Variants in BTF3 observed in about 807,000 individuals in gnomAD.
BTF3 encodes transcription factor BTF3.
A neutral mutation model predicts 23.9 loss-of-function variants in BTF3; 12 were observed. The observed-to-expected ratio is 0.50, with a 90% CI of 0.32 to 0.81. The LOEUF (loss-of-function observed/expected upper bound fraction) is 0.81. Among genes scored for constraint, BTF3 ranks in the 40% least tolerant of loss-of-function variants. The pLI is 0.03. For missense variants in BTF3, 215 were observed against 255.9 expected (o/e 0.84, Z 1.09); for synonymous variants, 96 against 94.8 (o/e 1.01, Z -0.07).
Position 73,503,023 on chromosome 5 carries a change from G to C in BTF3, c.423G>C (p.Lys141Asn). ...CCATTACAGGCCATGCTGAGACAAAGCAGCTGACAGAAATGCTACCCAGCA... is the reference window on the plus strand; with the variant it reads ...CCATTACAGGCCATGCTGAGACAAACCAGCTGACAGAAATGCTACCCAGCA... ...TFTITGHAET[K>N]QLTEMLPSIL... Residue 141 changes from lysine (K) to asparagine (N), a missense_variant, in exon 4 of 6, where the codon AAG becomes AAC. Lys to Asn is a moderately conservative substitution (Grantham distance 94). Around this residue, in one of 2 missense-constraint regions of BTF3, gnomAD observed 99 missense variants for 171.2 expected, o/e 0.58. Transcript: ENST00000380591. 6.2e-7 allele frequency: 1 copy of C among 1,613,982 alleles called. No individual in the cohort carries two copies. The highest frequency in any genetic ancestry group is 8.5e-7 in the Non-Finnish European group (1 of 1,179,928).
intron 4 of BTF3, 63 bp downstream of exon 4, chr5:73,503,180 A>G: frequency 6.5e-7 from 1 of 1,536,084 alleles, no homozygotes; most frequent in Non-Finnish European, 9.0e-7. Flanking sequence ...TTCTGATCTC[A>G]GGGCTCAGAA....
In BTF3 at chr5:73,498,675, G is replaced by C. The variant is rs755340655; in HGVS notation, c.8G>C (p.Arg3Pro). Residue 3 changes from arginine (R) to proline (P), a missense_variant, in exon 1 of 6, where the codon CGG becomes CCG. This residue lies in a region of BTF3 where 116 missense variants were observed against 84.7 expected (regional missense o/e 1.37). Transcript: ENST00000380591. The part of the protein sequence containing the change: MR[R>P]TGAPAQADSR... ...GAGGAGGAGAGGAAGGCGATGCGACGGACAGGCGCACCCGCTCAGGCTGAC... is the reference window on the plus strand; with the variant it reads ...GAGGAGGAGAGGAAGGCGATGCGACCGACAGGCGCACCCGCTCAGGCTGAC... 6.7e-7 allele frequency: 1 copy of C among 1,500,170 alleles called. No homozygotes were observed. The highest frequency in any genetic ancestry group is 1.3e-5 in the South Asian group (1 of 79,072). The allele number at this position is 1,500,170 out of a possible 1,614,324, so 92.9% of individuals were successfully genotyped here. A position where few individuals can be genotyped will look rare whatever the true frequency, so the allele number is the denominator to read the frequency against.
chr5:73,502,617 T>G lies in BTF3; in HGVS notation c.315+16T>G. 1 of 1,564,648 alleles carries G rather than the reference T, an allele frequency of 6.4e-7. No homozygotes were observed. Among genetic ancestry groups the G allele is most frequent in the Non-Finnish European group, 8.6e-7 (1 of 1,158,712 alleles). ...TATTGAAGAGGCAAGTATCAAATTTTGTTACTTTAAAAAACAAGATTTGGC... is the reference window on the plus strand; with the variant it reads ...TATTGAAGAGGCAAGTATCAAATTTGGTTACTTTAAAAAACAAGATTTGGC... On this transcript the variant is annotated intron_variant, in intron 3 of 5. Coordinates refer to ENST00000380591, the MANE Select transcript of BTF3 (RefSeq NM_001037637.2).
chr5:73,503,049 T>C lies in BTF3; in HGVS notation c.449T>C (p.Ile150Thr), dbSNP rs201235182. ...TKQLTEMLPSILNQLGADSLT... is the reference protein window; with the variant it reads ...TKQLTEMLPSTLNQLGADSLT... ...CAGCTGACAGAAATGCTACCCAGCATCTTAAACCAGCTTGGTGCGGATAGT... is the reference window on the plus strand; with the variant it reads ...CAGCTGACAGAAATGCTACCCAGCACCTTAAACCAGCTTGGTGCGGATAGT... Residue 150 changes from isoleucine to threonine, a missense_variant, in exon 4 of 6, where the codon ATC becomes ACC. By Grantham distance (89) the Ile-to-Thr change is moderately conservative. Coordinates refer to ENST00000380591, the MANE Select transcript of BTF3 (RefSeq NM_001037637.2). 1 of 1,614,058 alleles carries C rather than the reference T, an allele frequency of 6.2e-7. No individual in the cohort carries two copies. The highest frequency in any genetic ancestry group is 2.2e-5 in the East Asian group (1 of 44,888).
Position 73,499,231 on chromosome 5 carries a change from T to G in BTF3, c.201+29T>G, listed in dbSNP as rs777899021. On this transcript the variant is annotated intron_variant, in intron 2 of 5. Coordinates refer to ENST00000380591, the MANE Select transcript of BTF3 (RefSeq NM_001037637.2). The stretch of plus-strand genomic sequence containing the variant: ...AGTTTTAATAGTTCGGGTTTGTGGG[T>G]TTTTTTTTTAAGGTTTAGGTATTTT... 3.2e-4 allele frequency: 462 copies of G among 1,425,494 alleles called. 1 individual carries two copies. The highest frequency in any genetic ancestry group is 6.4e-4 in the Admixed American group (33 of 51,738). 88.3% of individuals were successfully genotyped at this position (1,425,494 alleles called of 1,614,324 possible).
chr5:73,498,612 A>G lies in BTF3; in HGVS notation c.-56A>G. The G allele has an allele frequency of 7.1e-7, 1 of 1,409,596 alleles. No homozygotes were observed. The highest frequency in any genetic ancestry group is 1.6e-5 in the South Asian group (1 of 64,156). 87.3% of individuals were successfully genotyped at this position (1,409,596 alleles called of 1,614,324 possible). On this transcript the variant is annotated 5_prime_UTR_variant, in exon 1 of 6. Transcript: ENST00000380591. ...GTAGGAGGACGGGAGCGGGGGCGGG[A>G]AGTTCCCTGAAGGAGCGAGACAGGG...
chr5:73,498,752 C>G lies in BTF3; in HGVS notation c.85C>G (p.Leu29Val). 1 of 1,494,548 alleles carries G rather than the reference C, an allele frequency of 6.7e-7. No homozygotes were observed. The highest frequency in any genetic ancestry group is 8.8e-7 in the Non-Finnish European group (1 of 1,132,460). 92.6% of individuals were successfully genotyped at this position (1,494,548 alleles called of 1,614,324 possible). A position where few individuals can be genotyped will look rare whatever the true frequency, so the allele number is the denominator to read the frequency against. Residue 29 changes from leucine to valine, a missense_variant, in exon 1 of 6, where the codon CTG becomes GTG. By Grantham distance (32) the Leu-to-Val change is conservative. Around this residue, in one of 2 missense-constraint regions of BTF3, gnomAD observed 116 missense variants for 84.7 expected, o/e 1.37. Coordinates refer to ENST00000380591, the MANE Select transcript of BTF3 (RefSeq NM_001037637.2). ...CGGCTGCCCTGGGGGCGAGGCGACGCTGTCTCAACCTCCACCTCGCGGCGG... is the reference window on the plus strand; with the variant it reads ...CGGCTGCCCTGGGGGCGAGGCGACGGTGTCTCAACCTCCACCTCGCGGCGG... ...RGGCPGGEAT[L>V]SQPPPRGGTR...
chr5:73,499,041 G>A (rs1032932386), intron 1 of BTF3, 93 bp from the exon 2 acceptor site: 63 of 1,396,636 alleles, frequency 4.5e-5, no homozygotes, highest in Middle Eastern at 5.2e-4. Context: ...TGTGTAGGAC[G>A]TTTATTTTCC....
chr5:73,502,605 A>T lies in BTF3; in HGVS notation c.315+4A>T, dbSNP rs773464129. 6.3e-7 allele frequency: 1 copy of T among 1,576,724 alleles called. No homozygotes were observed. The highest frequency in any genetic ancestry group is 8.6e-7 in the Non-Finnish European group (1 of 1,166,358). On this transcript the variant is annotated splice_donor_region_variant and intron_variant, in intron 3 of 5. Coordinates refer to ENST00000380591, the MANE Select transcript of BTF3 (RefSeq NM_001037637.2). ...CAATATCTCTGGTATTGAAGAGGCA[A>T]GTATCAAATTTTGTTACTTTAAAAA...
At chr5:73,501,628 A>G (rs1329348618) in intron 2 of BTF3, among the ~76,000 whole-genome samples, 1 of 152,170 alleles carries the variant, frequency 6.6e-6, no homozygotes, top group Non-Finnish European at 1.5e-5. Flanking sequence ...CTTGGGTCAT[A>G]GCCTGCTTGG....
intron 3 of BTF3, 69 bp downstream of exon 3, chr5:73,502,670 A>G (rs978244378): frequency 1.5e-5 from 16 of 1,064,858 alleles, no homozygotes; most frequent in Admixed American, 4.3e-5. Context: ...AATGCATTAA[A>G]TGGGTTGTTT....
chr5:73,502,186 A>C (rs1746453105), intron 2 of BTF3, among the ~76,000 whole-genome samples: 2 of 150,134 alleles, frequency 1.3e-5, no homozygotes, highest in African/African-American at 4.9e-5. Context: ...AAAACAGAAG[A>C]GGTTAATAAT....
In BTF3 at chr5:73,502,481, A is replaced by G. The variant is rs917512210; in HGVS notation, c.202-7A>G. 6 of 1,581,208 alleles carry G rather than the reference A, an allele frequency of 3.8e-6. No individual in the cohort carries two copies. The highest frequency in any genetic ancestry group is 5.1e-6 in the Non-Finnish European group (6 of 1,170,346). On this transcript the variant is annotated splice_polypyrimidine_tract_variant and splice_region_variant and intron_variant, in intron 2 of 5. Coordinates refer to ENST00000380591, the MANE Select transcript of BTF3 (RefSeq NM_001037637.2). ...GCTGTTTTCTTTCCTCTTCTCCCTG[A>G]CTTTAGGGAACTGCTCGCAGAAAGA... is the stretch of plus-strand genomic sequence containing the variant.
chr5:73,501,822 C>G (rs1746442736), intron 2 of BTF3, among the ~76,000 whole-genome samples: 1 of 152,152 alleles, frequency 6.6e-6, no homozygotes, highest in African/African-American at 2.4e-5. Flanking sequence ...TTGTTCCATA[C>G]ACTGTCTTGC....
intron 4 of BTF3, among the ~76,000 whole-genome samples, chr5:73,503,705 G>A (rs748445346): frequency 6.6e-6 from 1 of 152,138 alleles, no homozygotes; most frequent in Non-Finnish European, 1.5e-5. Flanking sequence ...GTTTTTCTAG[G>A]TATTGACTTA....
rs1274561202 is a variant in BTF3, at chr5:73,498,731, T to C, written c.64T>C (p.Cys22Arg). 6.7e-7 allele frequency: 1 copy of C among 1,489,086 alleles called. No homozygotes were observed. The highest frequency in any genetic ancestry group is 1.5e-5 in the African/African-American group (1 of 67,984). The allele number at this position is 1,489,086 out of a possible 1,614,324, so 92.2% of individuals were successfully genotyped here. A position where few individuals can be genotyped will look rare whatever the true frequency, so the allele number is the denominator to read the frequency against. ...SRGRGRARGG[C>R]PGGEATLSQP... ...GGGGCGAGGTCGAGCCAGGGGCGGC[T>C]GCCCTGGGGGCGAGGCGACGCTGTC... Residue 22 changes from cysteine (C) to arginine (R), a missense_variant, in exon 1 of 6, where the codon TGC becomes CGC. This residue lies in a region of BTF3 where 116 missense variants were observed against 84.7 expected (regional missense o/e 1.37). Coordinates refer to ENST00000380591, the MANE Select transcript of BTF3 (RefSeq NM_001037637.2).
intron 5 of BTF3, 128 bp from the exon 6 acceptor site, chr5:73,505,064 C>G: frequency 9.9e-5 from 44 of 444,180 alleles, no homozygotes; most frequent in East Asian, 2.1e-4. Context: ...CATTCTTGTT[C>G]TTGGGGCTAT....
At chr5:73,503,286 A>T (rs1171587769) in intron 4 of BTF3, among the ~76,000 whole-genome samples, 169 bp downstream of exon 4, 2 of 152,238 alleles carry the variant, frequency 1.3e-5, no homozygotes, top group African/African-American at 4.8e-5. Flanking sequence ...GTTTGCAGTA[A>T]TTGATGTAGC....
chr5:73,502,509 A>G lies in BTF3; in HGVS notation c.223A>G (p.Lys75Glu), dbSNP rs1332017959. Reference sequence around the variant, plus strand: ...TTAGGGAACTGCTCGCAGAAAGAAGAAGGTGGTTCATAGAACAGCCACAGC... The same window carrying G: ...TTAGGGAACTGCTCGCAGAAAGAAGGAGGTGGTTCATAGAACAGCCACAGC... The part of the protein sequence containing the change: ...GGKGTARRKK[K>E]VVHRTATADD... The change falls in exon 3 of 6, where the codon AAG becomes GAG. Residue 75 changes from lysine to glutamate, a missense_variant. Lys to Glu is a moderately conservative substitution (Grantham distance 56, BLOSUM62 1). Transcript: ENST00000380591. The G allele has an allele frequency of 6.2e-7, 1 of 1,604,614 alleles. No homozygotes were observed. Among genetic ancestry groups the G allele is most frequent in the Non-Finnish European group, 8.5e-7 (1 of 1,177,864 alleles).
Sources: allele counts gnomAD v4.1 joint callset (sites outside exome capture counted in the v4.1 genomes callset), GRCh38; gene constraint gnomAD v4.1.1; regional missense constraint gnomAD v4.1.1; transcripts MANE v1.5; gene names NCBI Gene and HGNC (gene_info 2026-07-23, HGNC 2026-07-21).